The following LRFN5 variants were observed in gnomAD, a reference collection of about 807,000 sequenced individuals.
LRFN5 encodes leucine-rich repeat and fibronectin type-III domain-containing protein 5.
Under a neutral mutation model 45.6 loss-of-function variants are expected in LRFN5, and 24 were observed. The ratio of observed to expected loss-of-function variants is 0.53; its 90% CI spans 0.38 to 0.74. LRFN5 has a LOEUF of 0.74. Among genes scored for constraint, LRFN5 ranks in the 30% least tolerant of loss-of-function variants. The probability of loss-of-function intolerance (pLI) is 0.00; values close to 1 mark genes in which losing one functional copy is unlikely to be tolerated. For missense variants in LRFN5, 776 were observed against 861.5 expected (o/e 0.90, Z 1.24); for synonymous variants, 340 against 313.8 (o/e 1.08, Z -0.88).
intron 2 of LRFN5, among the ~76,000 whole-genome samples, chr14:41,869,219 A>G (rs1490332087): frequency 6.6e-6 from 1 of 152,122 alleles, no homozygotes; most frequent in Admixed American, 6.5e-5. Context: ...GTTTGACATT[A>G]TCACAAATGA....
intron 2 of LRFN5, among the ~76,000 whole-genome samples, chr14:41,845,338 T>C (rs1276291844): frequency 6.6e-6 from 1 of 152,144 alleles, no homozygotes; most frequent in African/African-American, 2.4e-5. Context: ...TTTAATAGAC[T>C]ATATCTGCAT....
intron 2 of LRFN5, among the ~76,000 whole-genome samples, chr14:41,815,528 A>G (rs1279333877): frequency 6.6e-6 from 1 of 152,094 alleles, no homozygotes; most frequent in Non-Finnish European, 1.5e-5. Flanking sequence ...ACTTGAAATA[A>G]GGAGTTTGAG....
chr14:41,886,941 T>C lies in LRFN5; in HGVS notation c.316T>C (p.Leu106=). Residue 106 remains leucine, a synonymous_variant, in exon 3 of 6, where the codon TTG becomes CTG. Transcript: ENST00000298119. ...CCTACGAAATTTGAGGGCTTTGCAT[T>C]TGAATAGCAACAGATTGACTAAAAT... ...ADLRNLRALH[L]NSNRLTKITN... is the part of the protein sequence containing the mutation. 6.2e-7 allele frequency: 1 copy of C among 1,614,210 alleles called. No individual in the cohort carries two copies. The highest frequency in any genetic ancestry group is 8.5e-7 in the Non-Finnish European group (1 of 1,180,040).
chr14:41,824,364 A>G (rs1222510086), intron 2 of LRFN5, among the ~76,000 whole-genome samples: 1 of 152,096 alleles, frequency 6.6e-6, no homozygotes, highest in Non-Finnish European at 1.5e-5. Flanking sequence ...TAGGTTGTAT[A>G]TTACCATTTA....
intron 1 of LRFN5, among the ~76,000 whole-genome samples, chr14:41,754,906 C>G (rs1163796192): frequency 1.3e-5 from 2 of 151,946 alleles, no homozygotes; most frequent in Non-Finnish European, 2.9e-5. Flanking sequence ...GCATTTAGTG[C>G]TATACATTTC....
At chr14:41,693,444 A>G (rs944322127) in intron 1 of LRFN5, among the ~76,000 whole-genome samples, 1 of 152,048 alleles carries the variant, frequency 6.6e-6, no homozygotes, top group Non-Finnish European at 1.5e-5. Flanking sequence ...TCCAAAATAC[A>G]TGTTATGTTT....
At chr14:41,706,923 T>C (rs1308803496) in intron 1 of LRFN5, among the ~76,000 whole-genome samples, 1 of 152,194 alleles carries the variant, frequency 6.6e-6, no homozygotes, top group Non-Finnish European at 1.5e-5. Context: ...TCTGTTGTGC[T>C]TAGCATCTTT....
At chr14:41,879,811 A>G (rs1352138447) in intron 2 of LRFN5, among the ~76,000 whole-genome samples, 4 of 148,292 alleles carry the variant, frequency 2.7e-5, no homozygotes, top group Non-Finnish European at 4.4e-5. Context: ...GTTATTGTGT[A>G]TATGTATTGG....
intron 3 of LRFN5, among the ~76,000 whole-genome samples, chr14:41,890,286 T>C (rs1201658344): frequency 6.6e-6 from 1 of 152,252 alleles, no homozygotes. Flanking sequence ...CTCTGGTCAA[T>C]AGCCTTGCCT....
At chr14:41,812,003 C>A (rs1342540683) in intron 2 of LRFN5, among the ~76,000 whole-genome samples, 1 of 151,940 alleles carries the variant, frequency 6.6e-6, no homozygotes, top group Non-Finnish European at 1.5e-5. Context: ...CAAAGTAATT[C>A]TTTATAGCAT....
chr14:41,877,900 C>T (rs1230195682), intron 2 of LRFN5, among the ~76,000 whole-genome samples: 1 of 152,010 alleles, frequency 6.6e-6, no homozygotes, highest in African/African-American at 2.4e-5. Context: ...TAAATTGATG[C>T]ATGGGTGAAT....
intron 2 of LRFN5, among the ~76,000 whole-genome samples, chr14:41,870,734 C>G (rs1313495454): frequency 2.0e-5 from 3 of 152,130 alleles, no homozygotes; most frequent in Admixed American, 6.6e-5. Flanking sequence ...ACATACAATA[C>G]AAACTGCCTT....
At chr14:41,735,279 A>T (rs1281569647) in intron 1 of LRFN5, among the ~76,000 whole-genome samples, 1 of 151,588 alleles carries the variant, frequency 6.6e-6, no homozygotes. Context: ...TATTTTATAT[A>T]TTTTTTGATA....
chr14:41,719,799 G>C (rs1368294666), intron 1 of LRFN5, among the ~76,000 whole-genome samples: 3 of 149,856 alleles, frequency 2.0e-5, no homozygotes, highest in Admixed American at 6.7e-5. Context: ...TTTCCCTTTG[G>C]ATATATACCC....
At chr14:41,754,634 T>A (rs1594677303) in intron 1 of LRFN5, among the ~76,000 whole-genome samples, 1 of 152,236 alleles carries the variant, frequency 6.6e-6, no homozygotes, top group South Asian at 2.1e-4. Context: ...TTTTTTATTG[T>A]GTCTATTTGA....
intron 2 of LRFN5, among the ~76,000 whole-genome samples, chr14:41,778,757 C>T (rs931374208): frequency 6.6e-6 from 1 of 151,682 alleles, no homozygotes; most frequent in Admixed American, 6.6e-5. Context: ...AACTAAGCTA[C>T]GTAATAACCA....
At chr14:41,720,253 G>A (rs937576709) in intron 1 of LRFN5, among the ~76,000 whole-genome samples, 3 of 151,966 alleles carry the variant, frequency 2.0e-5, no homozygotes, top group Admixed American at 1.3e-4. Context: ...CATTCATGTT[G>A]CCACAAAAGA....
intron 1 of LRFN5, among the ~76,000 whole-genome samples, chr14:41,642,921 T>C (rs1426945473): frequency 6.6e-6 from 1 of 152,198 alleles, no homozygotes; most frequent in Admixed American, 6.5e-5. Flanking sequence ...ATCCAAATAA[T>C]TTGTTATACT....
At chr14:41,710,250 T>C (rs1271555688) in intron 1 of LRFN5, among the ~76,000 whole-genome samples, 2 of 152,154 alleles carry the variant, frequency 1.3e-5, no homozygotes, top group African/African-American at 4.8e-5. Flanking sequence ...TGAAACAATT[T>C]TAGATACTGA....
Sources: gnomAD v4.1 joint callset for allele counts (sites outside exome capture counted in the v4.1 genomes callset) on GRCh38, gnomAD v4.1.1 for gene constraint, MANE v1.5 for transcripts, NCBI Gene and HGNC (gene_info 2026-07-23, HGNC 2026-07-21) for gene names.